The following MYO18A variants were observed in gnomAD, a reference collection of about 807,000 sequenced individuals.
MYO18A encodes the protein unconventional myosin-XVIIIa.
MYO18A carries 78 observed loss-of-function variants against 235.8 expected under a neutral mutation model. The observed-to-expected ratio is 0.33, with a 90% CI of 0.28 to 0.40. MYO18A has a LOEUF of 0.40. MYO18A is among the 10% of genes least tolerant of loss of function. MYO18A has a pLI of 1.00. For synonymous variants in MYO18A, 977 were observed against 1,077.8 expected (o/e 0.91, Z 1.83); for missense variants, 2,215 against 2,699.3 (o/e 0.82, Z 3.98).
chr17:29,079,872 G>A, intron 41 of MYO18A: 8 of 985,982 alleles, frequency 8.1e-6, no homozygotes, highest in Non-Finnish European at 9.6e-6. Flanking sequence ...TCACACTGGA[G>A]CAGCTGTGGC....
chr17:29,122,768 T>A (rs150732150), intron 2 of MYO18A, among the ~76,000 whole-genome samples: 33 of 152,346 alleles, frequency 2.2e-4, no homozygotes, highest in African/African-American at 7.5e-4. Context: ...GGGAGTCGCC[T>A]GGACTTCGCA....
chr17:29,128,348 A>G (rs1210922251), intron 2 of MYO18A: 1 of 1,277,714 alleles, frequency 7.8e-7, no homozygotes, highest in African/African-American at 1.5e-5. Context: ...CACCTTCCTC[A>G]CTGCATTTGC....
At chr17:29,172,944 T>C (rs1161958099) in intron 1 of MYO18A, among the ~76,000 whole-genome samples, 4 of 152,138 alleles carry the variant, frequency 2.6e-5, no homozygotes, top group Non-Finnish European at 5.9e-5. Flanking sequence ...ACATGTGAAA[T>C]TGAGGTATAC....
rs2067171536 is a variant in MYO18A at position 29,120,511 on chromosome 17, G to C, written c.1728+105C>G. On this transcript the variant is annotated intron_variant, in intron 7 of 41. Transcript: ENST00000527372. This position sits in a 1 kb window ranked among gnomAD's most constrained non-coding sequence, Gnocchi z 4.2. ...GCCCATGCCTGGGTCAATTTTGTTA[G>C]GGTAGAATCCCAGGAAAATGAGGCA... 2.8e-6 allele frequency: 4 copies of C among 1,425,360 alleles called. No homozygotes were observed. In the Admixed American group the frequency reaches 7.0e-5, roughly 25 times the overall value. The allele number at this position is 1,425,360 out of a possible 1,614,324, so 88.3% of individuals were successfully genotyped here.
chr17:29,094,918 G>A lies in MYO18A; in HGVS notation c.4509+18C>T. The A allele has an allele frequency of 6.2e-7, 1 of 1,611,902 alleles. No homozygotes were observed. The highest frequency in any genetic ancestry group is 8.5e-7 in the Non-Finnish European group (1 of 1,178,212). ...TTGTGAGGGGGACAGGGCACAGATG[G>A]TGGGTGGCCCTACCCACCTCTAGTT... On this transcript the variant is annotated intron_variant, in intron 29 of 41. Transcript: ENST00000527372.
Position 29,115,109 on chromosome 17 carries a change from G to T in MYO18A, c.2319-10C>A. 1 of 1,608,314 alleles carries T rather than the reference G, an allele frequency of 6.2e-7. No individual in the cohort carries two copies. Reference sequence around the variant, plus strand: ...GCTGGACTTGAGAGCCCTGGATAGGGACAGCCTGGGTCAGAGCCTCGCTGG... The same window carrying T: ...GCTGGACTTGAGAGCCCTGGATAGGTACAGCCTGGGTCAGAGCCTCGCTGG... On this transcript the variant is annotated splice_polypyrimidine_tract_variant and intron_variant, in intron 13 of 41. Coordinates refer to ENST00000527372, the MANE Select transcript of MYO18A (RefSeq NM_078471.4).
rs1213766715 is a variant in MYO18A, at chr17:29,158,462, C to T, written c.999+7480G>A. Among the ~76,000 whole-genome samples, 1 of 152,196 alleles carries T rather than the reference C, an allele frequency of 6.6e-6. No individual in the cohort carries two copies. Among genetic ancestry groups the T allele is most frequent in the African/African-American group, 2.4e-5 (1 of 41,460 alleles). ...CGGGACTCTTGAATTGGCTGCCCCC[C>T]ATCAAACTGCACAGCAGAGGTGGGG... On this transcript the variant is annotated intron_variant, in intron 2 of 41. Coordinates refer to ENST00000527372, the MANE Select transcript of MYO18A (RefSeq NM_078471.4). The surrounding 1 kb of genome is among the most constrained non-coding windows in gnomAD (Gnocchi z 4.3).
At chr17:29,169,757 C>T (rs2068360816) in intron 1 of MYO18A, among the ~76,000 whole-genome samples, 1 of 152,108 alleles carries the variant, frequency 6.6e-6, no homozygotes, top group South Asian at 2.1e-4. Context: ...CTCAGTTCAA[C>T]CACAGAGAAC....
rs2066787296 is a variant in MYO18A at position 29,106,431 on chromosome 17, T to C, written c.3441+649A>G. 6.6e-6 allele frequency among the ~76,000 whole-genome samples: 1 copy of C among 152,118 alleles called. No individual in the cohort carries two copies. Among genetic ancestry groups the C allele is most frequent in the African/African-American group, 2.4e-5 (1 of 41,424 alleles). The stretch of plus-strand genomic sequence containing the variant: ...CTTTCTGCCCCATTCTGCAGCATCC[T>C]CTCCATTTAGGGAAGCCATCCTAAG... On this transcript the variant is annotated intron_variant, in intron 20 of 41. Coordinates refer to ENST00000527372, the MANE Select transcript of MYO18A (RefSeq NM_078471.4). The surrounding 1 kb of genome is among the most constrained non-coding windows in gnomAD (Gnocchi z 4.6).
chr17:29,125,859 AGGGACT>A lies in MYO18A; in HGVS notation c.1000-3612_1000-3607del, dbSNP rs2067308276. On this transcript the variant is annotated intron_variant, in intron 2 of 41. Transcript: ENST00000527372. This position sits in a 1 kb window ranked among gnomAD's most constrained non-coding sequence, Gnocchi z 5.1. ...CGCCAGCCTCAGGAAGAGGGCGGCC[AGGGACT>A]GGGACCCACACACAAGAGTGGCATT... The A allele has an allele frequency of 1.0e-6, 1 of 979,018 alleles. No individual in the cohort carries two copies. The highest frequency in any genetic ancestry group is 1.1e-4 in the East Asian group (1 of 8,798). 60.6% of individuals were successfully genotyped at this position (979,018 alleles called of 1,614,324 possible).
At chr17:29,141,857 A>C (rs1300023355) in intron 2 of MYO18A, among the ~76,000 whole-genome samples, 2 of 152,262 alleles carry the variant, frequency 1.3e-5, no homozygotes, top group African/African-American at 4.8e-5. Context: ...GGAACTTGAA[A>C]AAAATACTGA....
chr17:29,087,134 G>A lies in MYO18A; in HGVS notation c.5527-13C>T, dbSNP rs774387520. Reference sequence around the variant, plus strand: ...GGCTAGCCAGGCTCTGGATAGGTAGGTGGGGAAGAAAGACACAGCAGGCAG... The same window carrying A: ...GGCTAGCCAGGCTCTGGATAGGTAGATGGGGAAGAAAGACACAGCAGGCAG... On this transcript the variant is annotated splice_polypyrimidine_tract_variant and intron_variant, in intron 37 of 41. Coordinates refer to ENST00000527372, the MANE Select transcript of MYO18A (RefSeq NM_078471.4). The A allele has an allele frequency of 1.2e-6, 2 of 1,607,990 alleles. No homozygotes were observed. The highest frequency in any genetic ancestry group is 1.7e-6 in the Non-Finnish European group (2 of 1,176,246).
At chr17:29,133,979 G>A in intron 2 of MYO18A, 3 of 602,600 alleles carry the variant, frequency 5.0e-6, no homozygotes, top group Non-Finnish European at 7.5e-6. Flanking sequence ...GAGTGGAGGA[G>A]GAAGGATTAC....
intron 2 of MYO18A, among the ~76,000 whole-genome samples, chr17:29,141,355 A>G (rs2067735437): frequency 6.6e-6 from 1 of 152,048 alleles, no homozygotes; most frequent in Admixed American, 6.5e-5. Flanking sequence ...TCAAGGGGCC[A>G]AAAGACAGGG....
intron 2 of MYO18A, among the ~76,000 whole-genome samples, chr17:29,151,505 C>A (rs1268543275): frequency 6.6e-6 from 1 of 152,108 alleles, no homozygotes; most frequent in Admixed American, 6.5e-5. Context: ...TCCACACATG[C>A]CTTGCCTTGT....
At chr17:29,168,190 G>A (rs925945721) in intron 1 of MYO18A, among the ~76,000 whole-genome samples, 2 of 151,940 alleles carry the variant, frequency 1.3e-5, no homozygotes, top group African/African-American at 2.4e-5. Context: ...GTGGGGTAGG[G>A]TCCACTGGAT....
At position 29,121,646 on chromosome 17, in the gene MYO18A, G is replaced by A; in HGVS notation, c.1272C>T (p.Thr424=). Residue 424 remains threonine, a synonymous_variant, in exon 5 of 42, where the codon ACC becomes ACT. Transcript: ENST00000527372. This position sits in a 1 kb window ranked among gnomAD's most constrained non-coding sequence, Gnocchi z 4.2. ...VYLNESSVLH[T]LRQRYGASLL... ...GGCTAGCGCCATAGCGCTGGCGCAA[G>A]GTGTGCAGGACGCTGGACTCATTGA... is the stretch of plus-strand genomic sequence containing the variant. 4 of 1,573,380 alleles carry A rather than the reference G, an allele frequency of 2.5e-6. No individual in the cohort carries two copies. The highest frequency in any genetic ancestry group is 3.4e-6 in the Non-Finnish European group (4 of 1,159,578).
intron 35 of MYO18A, 21 bp downstream of exon 35, chr17:29,090,789 G>A (rs982736578): frequency 2.2e-5 from 35 of 1,597,234 alleles, no homozygotes; most frequent in Middle Eastern, 1.7e-4. Context: ...AGAGTGTGAC[G>A]GGCACTCCTG....
chr17:29,089,944 G>A lies in MYO18A; in HGVS notation c.5526+17C>T, dbSNP rs1433413113. On this transcript the variant is annotated intron_variant, in intron 37 of 41. Transcript: ENST00000527372. Reference sequence around the variant, plus strand: ...CTCTGCCCTGTTTGGTGTGGCCCGGGAGAAGTGTGAACCCACCTCCAGCCG... The same window carrying A: ...CTCTGCCCTGTTTGGTGTGGCCCGGAAGAAGTGTGAACCCACCTCCAGCCG... 1 of 1,613,866 alleles carries A rather than the reference G, an allele frequency of 6.2e-7. No individual in the cohort carries two copies. The highest frequency in any genetic ancestry group is 8.5e-7 in the Non-Finnish European group (1 of 1,179,848).
Sources: allele counts gnomAD v4.1 joint callset (sites outside exome capture counted in the v4.1 genomes callset), GRCh38; gene constraint gnomAD v4.1.1; non-coding constraint Gnocchi (gnomAD v3.1); transcripts MANE v1.5; gene names NCBI Gene and HGNC (gene_info 2026-07-23, HGNC 2026-07-21).